Variants in LMOD1 observed in about 807,000 individuals in gnomAD.
The protein encoded by LMOD1 is leiomodin-1.
A neutral mutation model predicts 36.5 loss-of-function variants in LMOD1; 8 were observed. The observed-to-expected ratio is 0.22, with a 90% confidence interval of 0.13 to 0.40. LMOD1 has a LOEUF of 0.40. Ranked by LOEUF, LMOD1 falls within the 10% of genes least tolerant of loss-of-function variation. The probability of loss-of-function intolerance (pLI) is 1.00; values close to 1 mark genes in which losing one functional copy is unlikely to be tolerated. For synonymous variants in LMOD1, 284 were observed against 288.7 expected, an observed-to-expected ratio of 0.98 and a Z score of 0.17; for missense variants, 630 against 751.1, an observed-to-expected ratio of 0.84 and a Z score of 1.88.
Position 201,901,609 on chromosome 1 carries a change from TACAC to T in LMOD1, c.262-862_262-859del, listed in dbSNP as rs1170327813. 5.9e-4 allele frequency among the ~76,000 whole-genome samples: 23 copies of T among 39,176 alleles called. 1 individual carries two copies. The highest frequency in any genetic ancestry group is 2.4e-3 in the African/African-American group (23 of 9,690). The allele number at this position is 39,176 out of a possible 152,430, so 25.7% of individuals were successfully genotyped here. On this transcript the variant is annotated intron_variant, in intron 1 of 2. Coordinates refer to ENST00000367288, the MANE Select transcript of LMOD1 (RefSeq NM_012134.3). ...ACATATATATATGTATATATATATA[TACAC>T]ATATATATGTGTGTGTGTATATATA...
intron 1 of LMOD1, among the ~76,000 whole-genome samples, chr1:201,902,666 C>G (rs964468181): frequency 6.6e-6 from 1 of 152,040 alleles, no homozygotes; most frequent in East Asian, 1.9e-4. Context: ...AGGCTGGTCT[C>G]GAACTCCTGA....
intron 1 of LMOD1, among the ~76,000 whole-genome samples, chr1:201,920,045 CTTTTTT>C (rs576044641): frequency 9.5e-5 from 5 of 52,534 alleles, no homozygotes; most frequent in African/African-American, 3.7e-4. Context: ...GGCTCTCTCT[CTTTTTT>C]TTTTTTTTTT....
chr1:201,908,650 A>C (rs1378007882), intron 1 of LMOD1, among the ~76,000 whole-genome samples: 1 of 152,152 alleles, frequency 6.6e-6, no homozygotes, highest in African/African-American at 2.4e-5. Flanking sequence ...GACTACTGAC[A>C]GCACTGCATA....
rs1681208401 is a variant in LMOD1, at chr1:201,897,100, G to A, written c.*1272C>T. On this transcript the variant is annotated 3_prime_UTR_variant, in exon 3 of 3. Transcript: ENST00000367288. ...TGGCAGCATTGTCAGCATTCCTGCA[G>A]TTGGGGCAGGAAGTGGAATTGGTGA... The A allele has an allele frequency of 7.7e-6, 2 of 260,800 alleles. No individual in the cohort carries two copies. The highest frequency in any genetic ancestry group is 8.4e-5 in the South Asian group (2 of 23,700). The allele number at this position is 260,800 out of a possible 1,614,324, so 16.2% of individuals were successfully genotyped here.
At chr1:201,945,202 C>T (rs1682182594) in intron 1 of LMOD1, among the ~76,000 whole-genome samples, 1 of 151,546 alleles carries the variant, frequency 6.6e-6, no homozygotes. Context: ...CATACCAATG[C>T]AATAGTGACA....
intron 1 of LMOD1, among the ~76,000 whole-genome samples, chr1:201,909,769 C>T (rs1436526835): frequency 1.3e-5 from 2 of 152,214 alleles, no homozygotes; most frequent in African/African-American, 4.8e-5. Flanking sequence ...TGCACTCATG[C>T]AGTCCTCAGA....
At chr1:201,934,306 G>A (rs541651307) in intron 1 of LMOD1, among the ~76,000 whole-genome samples, 2 of 152,254 alleles carry the variant, frequency 1.3e-5, no homozygotes, top group East Asian at 3.9e-4. Flanking sequence ...TGCCAGTGCT[G>A]TCCTTCCAGA....
chr1:201,929,086 T>G lies in LMOD1; in HGVS notation c.261+16994A>C, dbSNP rs531891140. ...CCCAGGGATCATAGGTGGACTTTAT[T>G]TATTTGTTTATTTATTTATTTATTT... On this transcript the variant is annotated intron_variant, in intron 1 of 2. Transcript: ENST00000367288. Among the ~76,000 whole-genome samples the G allele has an allele frequency of 5.6e-5, 8 of 143,888 alleles. No homozygotes were observed. The East Asian group carries it at 1.6e-3, about 29-fold the overall frequency. The allele number at this position is 143,888 out of a possible 152,430, so 94.4% of individuals were successfully genotyped here.
At chr1:201,943,984 T>G (rs1476985266) in intron 1 of LMOD1, among the ~76,000 whole-genome samples, 1 of 152,228 alleles carries the variant, frequency 6.6e-6, no homozygotes, top group Non-Finnish European at 1.5e-5. Context: ...GGGTTCATTC[T>G]CACCCAGATT....
At chr1:201,941,440 T>C (rs1284645450) in intron 1 of LMOD1, among the ~76,000 whole-genome samples, 1 of 152,206 alleles carries the variant, frequency 6.6e-6, no homozygotes, top group African/African-American at 2.4e-5. Context: ...CGGTGCCTGC[T>C]TTTGCCTCCC....
intron 1 of LMOD1, among the ~76,000 whole-genome samples, chr1:201,941,296 G>T (rs970541440): frequency 6.6e-6 from 1 of 152,050 alleles, no homozygotes; most frequent in Non-Finnish European, 1.5e-5. Flanking sequence ...AGAAGAAAAC[G>T]TATAATAACA....
Position 201,898,308 on chromosome 1 carries a change from G to A in LMOD1, c.*64C>T. On this transcript the variant is annotated 3_prime_UTR_variant, in exon 3 of 3. Transcript: ENST00000367288. ...CAGGGATGGGGTGGGCAGGGTCTGT[G>A]TAGCCCTGGGAGGTGAGGCCTGAGC... 1 of 1,555,924 alleles carries A rather than the reference G, an allele frequency of 6.4e-7. No homozygotes were observed. The highest frequency in any genetic ancestry group is 8.8e-7 in the Non-Finnish European group (1 of 1,136,152).
chr1:201,925,629 T>A (rs1681815734), intron 1 of LMOD1, among the ~76,000 whole-genome samples: 1 of 151,628 alleles, frequency 6.6e-6, no homozygotes, highest in African/African-American at 2.4e-5. Context: ...CTTCTTGACA[T>A]CCACCCAAGA....
At chr1:201,908,023 G>A (rs72744807) in intron 1 of LMOD1, among the ~76,000 whole-genome samples, 3 of 151,978 alleles carry the variant, frequency 2.0e-5, no homozygotes, top group African/African-American at 7.3e-5. Flanking sequence ...AAGAGCTACC[G>A]CTTCAGCCAA....
chr1:201,900,002 G>A lies in LMOD1; in HGVS notation c.1011C>T (p.Val337=). 6.2e-7 allele frequency: 1 copy of A among 1,613,914 alleles called. No individual in the cohort carries two copies. Among genetic ancestry groups the A allele is most frequent in the Non-Finnish European group, 8.5e-7 (1 of 1,179,888 alleles). ...CATTTGTGATGCAGTCTGAGTTGTT[G>A]ACGTTCACCTCAGTCATCTCGGGGT... ...NNDPEMTEVN[V]NNSDCITNEI... Residue 337 remains valine (V), a synonymous_variant, in exon 2 of 3, where the codon GTC becomes GTT. Coordinates refer to ENST00000367288, the MANE Select transcript of LMOD1 (RefSeq NM_012134.3).
intron 1 of LMOD1, among the ~76,000 whole-genome samples, chr1:201,906,387 T>TC (rs1232632367): frequency 2.0e-5 from 3 of 152,052 alleles, no homozygotes; most frequent in African/African-American, 7.2e-5. Context: ...CCCTGAACAT[T>TC]CCCCTGCATT....
intron 1 of LMOD1, among the ~76,000 whole-genome samples, chr1:201,943,307 A>AT (rs1682151219): frequency 6.6e-6 from 1 of 152,260 alleles, no homozygotes; most frequent in Non-Finnish European, 1.5e-5. Flanking sequence ...GATAATAGGA[A>AT]TAAAAATACA....
In LMOD1 at chr1:201,922,949, C is replaced by T. The variant is rs534516816; in HGVS notation, c.262-22198G>A. 9.9e-5 allele frequency among the ~76,000 whole-genome samples: 15 copies of T among 152,094 alleles called. 1 individual carries two copies. In the South Asian group the frequency reaches 2.5e-3, roughly 25 times the overall value. ...AAGTAATTCTCCTGCCTCAGCCTCA[C>T]GAGTAGCTGGGATTACAGGTGCGCA... On this transcript the variant is annotated intron_variant, in intron 1 of 2. Coordinates refer to ENST00000367288, the MANE Select transcript of LMOD1 (RefSeq NM_012134.3).
chr1:201,911,224 G>A (rs1681491796), intron 1 of LMOD1, among the ~76,000 whole-genome samples: 2 of 152,162 alleles, frequency 1.3e-5, no homozygotes, highest in African/African-American at 4.8e-5. Flanking sequence ...ATGGTGAATC[G>A]AATGTCACCC....
Sources: allele counts gnomAD v4.1 joint callset (sites outside exome capture counted in the v4.1 genomes callset), GRCh38; gene constraint gnomAD v4.1.1; transcripts MANE v1.5; gene names NCBI Gene and HGNC (gene_info 2026-07-23, HGNC 2026-07-21).